PCDHGA10: variants seen among roughly 807,000 people sequenced by gnomAD.
PCDHGA10 encodes protocadherin gamma-A10.
In PCDHGA10, 42 loss-of-function variants were observed where a neutral mutation model predicts 59.5. The ratio of observed to expected loss-of-function variants is 0.71; its 90% confidence interval spans 0.55 to 0.91. The LOEUF is 0.91. PCDHGA10 is among the 40% of genes least tolerant of loss of function. The pLI is 0.00. For missense variants in PCDHGA10, 1,111 were observed against 1,198.2 expected (o/e 0.93, Z 1.07); for synonymous variants, 511 against 517.2 (o/e 0.99, Z 0.16).
Position 141,485,785 on chromosome 5 carries a change from G to C in PCDHGA10, c.2437-9022G>C. ...TGGAGAAGCCTTTGGATCGAGAGAAGCAATCGGACTACCGCCTGGTGCTGA... is the reference window on the plus strand; with the variant it reads ...TGGAGAAGCCTTTGGATCGAGAGAACCAATCGGACTACCGCCTGGTGCTGA... On this transcript the variant is annotated intron_variant, in intron 1 of 3. Coordinates refer to ENST00000398610, the MANE Select transcript of PCDHGA10 (RefSeq NM_018913.3). The surrounding 1 kb of genome is among the most constrained non-coding windows in gnomAD (Gnocchi z 5.7). The C allele has an allele frequency of 1.2e-6, 2 of 1,614,214 alleles. No individual in the cohort carries two copies. The highest frequency in any genetic ancestry group is 1.7e-6 in the Non-Finnish European group (2 of 1,180,030).
rs990493129 is a variant in PCDHGA10 at position 141,449,560 on chromosome 5, G to C, written c.2436+33949G>C. On this transcript the variant is annotated intron_variant, in intron 1 of 3. Coordinates refer to ENST00000398610, the MANE Select transcript of PCDHGA10 (RefSeq NM_018913.3). ...GCCGAGATCGCACCACTGCACTCCA[G>C]CCTGGGCGACAGAGCAAGACTCTGT... Among the ~76,000 whole-genome samples, 4 of 145,056 alleles carry C rather than the reference G, an allele frequency of 2.8e-5. No homozygotes were observed. The Admixed American group carries it at 2.8e-4, about 10-fold the overall frequency.
intron 1 of PCDHGA10, among the ~76,000 whole-genome samples, chr5:141,443,521 T>A (rs2098392520): frequency 6.6e-6 from 1 of 152,156 alleles, no homozygotes; most frequent in Admixed American, 6.6e-5. Context: ...TCTCTCCTTA[T>A]GACTTATTTA....
chr5:141,418,980 A>T, intron 1 of PCDHGA10: 1 of 1,614,004 alleles, frequency 6.2e-7, no homozygotes. Flanking sequence ...ACACGGGACC[A>T]AGACTCAGGG....
At chr5:141,479,685 G>C (rs749895405) in intron 1 of PCDHGA10, 2 of 152,130 alleles carry the variant, frequency 1.3e-5, no homozygotes, top group Non-Finnish European at 2.9e-5. Context: ...AGTCTTTTTG[G>C]TGCCTCCAGT....
chr5:141,426,719 A>G (rs776136674), intron 1 of PCDHGA10: 2 of 446,424 alleles, frequency 4.5e-6, no homozygotes, highest in Non-Finnish European at 9.1e-6. Context: ...ATGAACTAGC[A>G]ATTCCAGGCA....
intron 1 of PCDHGA10, chr5:141,417,772 C>G: frequency 6.9e-7 from 1 of 1,456,320 alleles, no homozygotes; most frequent in East Asian, 2.5e-5. Context: ...GGGACTCCTC[C>G]TGTCCTGGGC....
chr5:141,444,467 G>C (rs1288596542), intron 1 of PCDHGA10, among the ~76,000 whole-genome samples: 2 of 151,998 alleles, frequency 1.3e-5, no homozygotes, highest in Admixed American at 6.6e-5. Flanking sequence ...CACTGCGCCC[G>C]GTCGCGTACT....
intron 1 of PCDHGA10, chr5:141,426,679 T>A (rs1008777231): frequency 9.3e-6 from 4 of 431,308 alleles, no homozygotes; most frequent in African/African-American, 2.0e-5. Context: ...CCACCTCATT[T>A]TCCCCAAAAT....
chr5:141,490,142 C>T lies in PCDHGA10; in HGVS notation c.2437-4665C>T. On this transcript the variant is annotated intron_variant, in intron 1 of 3. Transcript: ENST00000398610. This position sits in a 1 kb window ranked among gnomAD's most constrained non-coding sequence, Gnocchi z 5.4. ...TTTGGCCTAGACCCTAGCAGTGGGG[C>T]AATCCATGTGTTGGGTCCCATAGAC... 2 of 1,614,220 alleles carry T rather than the reference C, an allele frequency of 1.2e-6. No individual in the cohort carries two copies. Among genetic ancestry groups the T allele is most frequent in the South Asian group, 1.1e-5 (1 of 91,088 alleles).
intron 2 of PCDHGA10, among the ~76,000 whole-genome samples, chr5:141,501,530 G>A (rs556760554): frequency 3.5e-4 from 53 of 151,998 alleles, no homozygotes; most frequent in Admixed American, 2.2e-3. Context: ...AGCCCAGTAC[G>A]TTGTTGTGCA....
chr5:141,454,998 G>C (rs909142112), intron 1 of PCDHGA10, among the ~76,000 whole-genome samples: 27 of 151,220 alleles, frequency 1.8e-4, no homozygotes, highest in African/African-American at 5.8e-4. Context: ...ATTTTTAGTA[G>C]AGACGGGGTT....
rs764742899 is a variant in PCDHGA10, at chr5:141,487,062, C to T, written c.2437-7745C>T. On this transcript the variant is annotated intron_variant, in intron 1 of 3. Transcript: ENST00000398610. This position sits in a 1 kb window ranked among gnomAD's most constrained non-coding sequence, Gnocchi z 5.0. Reference sequence around the variant, plus strand: ...TCTCGATATGCTGGGGAGGTGCGGACGGCTGTTCCTATCCCAGCTGACCTC... The same window carrying T: ...TCTCGATATGCTGGGGAGGTGCGGATGGCTGTTCCTATCCCAGCTGACCTC... 2.8e-5 allele frequency: 45 copies of T among 1,613,980 alleles called. No homozygotes were observed. Among genetic ancestry groups the T allele is most frequent in the East Asian group, 1.3e-4 (6 of 44,874 alleles).
At position 141,477,379 on chromosome 5, in the gene PCDHGA10, A is replaced by T; in HGVS notation, c.2437-17428A>T. Reference sequence around the variant, plus strand: ...CAGACCTGGATCGGGAGACTGTGCCAGAATACAACCTCAGCATCACCGCCC... The same window carrying T: ...CAGACCTGGATCGGGAGACTGTGCCTGAATACAACCTCAGCATCACCGCCC... On this transcript the variant is annotated intron_variant, in intron 1 of 3. Transcript: ENST00000398610. The surrounding 1 kb of genome is among the most constrained non-coding windows in gnomAD (Gnocchi z 4.9). 1.2e-6 allele frequency: 2 copies of T among 1,614,184 alleles called. No individual in the cohort carries two copies. The highest frequency in any genetic ancestry group is 1.7e-6 in the Non-Finnish European group (2 of 1,180,034).
At chr5:141,434,035 T>C (rs2154556047) in intron 1 of PCDHGA10, among the ~76,000 whole-genome samples, 1 of 152,316 alleles carries the variant, frequency 6.6e-6, no homozygotes, top group Non-Finnish European at 1.5e-5. Flanking sequence ...AAGCATGGTT[T>C]TCTATTTTAT....
intron 3 of PCDHGA10, 110 bp downstream of exon 3, chr5:141,505,591 G>T: frequency 6.4e-7 from 1 of 1,570,280 alleles, no homozygotes; most frequent in Non-Finnish European, 8.7e-7. Flanking sequence ...AGTTTCTCCA[G>T]ATCTTTCGGC....
rs746913952 is a variant in PCDHGA10, at chr5:141,432,898, G to T, written c.2436+17287G>T. 2.5e-6 allele frequency: 4 copies of T among 1,614,174 alleles called. No individual in the cohort carries two copies. Among genetic ancestry groups the T allele is most frequent in the Admixed American group, 3.3e-5 (2 of 60,034 alleles). ...TGGCCTTCGTCATCTTGCTGCTGGC[G>T]CTCAGGCTGCGGCGCTGGCACAAGT... On this transcript the variant is annotated intron_variant, in intron 1 of 3. Coordinates refer to ENST00000398610, the MANE Select transcript of PCDHGA10 (RefSeq NM_018913.3). The surrounding 1 kb of genome is among the most constrained non-coding windows in gnomAD (Gnocchi z 6.0).
intron 1 of PCDHGA10, chr5:141,419,105 C>G: frequency 6.2e-7 from 1 of 1,613,918 alleles, no homozygotes; most frequent in Non-Finnish European, 8.5e-7. Context: ...GGAGCAGACC[C>G]CAGAGTACAA....
At chr5:141,473,853 C>T (rs2099329853) in intron 1 of PCDHGA10, among the ~76,000 whole-genome samples, 1 of 152,128 alleles carries the variant, frequency 6.6e-6, no homozygotes, top group Non-Finnish European at 1.5e-5. Flanking sequence ...GGAAGATGAA[C>T]CTCGCTATTG....
At chr5:141,427,266 G>A (rs753905641) in intron 1 of PCDHGA10, 15 of 456,620 alleles carry the variant, frequency 3.3e-5, no homozygotes, top group Non-Finnish European at 5.7e-5. Context: ...CATGACCAGC[G>A]AATGTAAAAT....
Sources: allele counts gnomAD v4.1 joint callset (sites outside exome capture counted in the v4.1 genomes callset), GRCh38; gene constraint gnomAD v4.1.1; non-coding constraint Gnocchi (gnomAD v3.1); transcripts MANE v1.5; gene names NCBI Gene and HGNC (gene_info 2026-07-23, HGNC 2026-07-21).